SULT1C3: variants seen among roughly 807,000 people sequenced by gnomAD.
The protein encoded by SULT1C3 is sulfotransferase 1C3.
Under a neutral mutation model 28.4 loss-of-function variants are expected in SULT1C3, and 31 were observed. The observed-to-expected ratio is 1.09, with a 90% CI of 0.82 to 1.47. The LOEUF is 1.47. Ranked by LOEUF, SULT1C3 falls within the 40% of genes most tolerant of loss-of-function variation. The pLI, the probability that SULT1C3 is intolerant of heterozygous loss-of-function variation, is 0.00. For synonymous variants in SULT1C3, 106 were observed against 92.2 expected (o/e 1.15, Z -0.86); for missense variants, 307 against 272.5 (o/e 1.13, Z -0.89).
At chr2:108,253,727 T>C (rs1675792594) in intron 4 of SULT1C3, among the ~76,000 whole-genome samples, 1 of 152,012 alleles carries the variant, frequency 6.6e-6, no homozygotes, top group South Asian at 2.1e-4. Flanking sequence ...TATTGGGAGC[T>C]AGAATGGAGG....
chr2:108,252,832 A>G (rs1675765356), intron 3 of SULT1C3, among the ~76,000 whole-genome samples: 1 of 152,104 alleles, frequency 6.6e-6, no homozygotes, highest in African/African-American at 2.4e-5. Flanking sequence ...TTGTAAAATA[A>G]CAGGTGTGAT....
At chr2:108,265,089 C>A, downstream of SULT1C3, 2 of 1,487,234 alleles carry the variant, frequency 1.3e-6, no homozygotes, top group Non-Finnish European at 1.8e-6. Context: ...ATGTTTCATT[C>A]TCCATTATTT....
Position 108,260,569 on chromosome 2 carries a change from G to A in SULT1C3, c.804G>A (p.Gly268=), listed in dbSNP as rs1210246327. ...ATGAACTTCTTTGATGTCCTACAGG[G>A]ATGCCTGGAGACTGGAAGAACCACT... ...NHSISKFMRK[G]MPGDWKNHFT... The change falls in exon 8 of 8, where the codon GGG becomes GGA. Residue 268 remains glycine (G), a splice_region_variant and synonymous_variant. Transcript: ENST00000681802. 1 of 514,224 alleles carries A rather than the reference G, an allele frequency of 1.9e-6. No individual in the cohort carries two copies. Among genetic ancestry groups the A allele is most frequent in the African/African-American group, 1.9e-5 (1 of 51,904 alleles). 31.9% of individuals were successfully genotyped at this position (514,224 alleles called of 1,614,324 possible).
downstream of SULT1C3, chr2:108,265,186 C>T (rs1036917233): frequency 6.4e-7 from 1 of 1,553,844 alleles, no homozygotes; most frequent in African/African-American, 1.4e-5. Flanking sequence ...AGGGTGCATG[C>T]TTACCTCTCC....
intron 7 of SULT1C3, 62 bp from the exon 8 acceptor site, chr2:108,260,506 C>T (rs998951640): frequency 7.3e-5 from 33 of 449,778 alleles, no homozygotes; most frequent in African/African-American, 5.0e-4. Context: ...GAACCATTCA[C>T]TATAGAAAGG....
At chr2:108,250,326 T>C (rs1254502335) in intron 2 of SULT1C3, among the ~76,000 whole-genome samples, 1 of 151,954 alleles carries the variant, frequency 6.6e-6, no homozygotes, top group Non-Finnish European at 1.5e-5. Context: ...ATATTCAACA[T>C]CATTTATCAT....
At chr2:108,254,340 T>G (rs1173809614) in intron 4 of SULT1C3, among the ~76,000 whole-genome samples, 1 of 152,006 alleles carries the variant, frequency 6.6e-6, no homozygotes, top group Non-Finnish European at 1.5e-5. Context: ...TCATCTTTAC[T>G]TGCATAATTC....
intron 7 of SULT1C3, among the ~76,000 whole-genome samples, chr2:108,260,014 G>C (rs1675981592): frequency 6.6e-6 from 1 of 152,118 alleles, no homozygotes; most frequent in Admixed American, 6.6e-5. Context: ...GAAACCAGTA[G>C]AAATAAAGTA....
intron 1 of SULT1C3, among the ~76,000 whole-genome samples, chr2:108,246,841 G>A (rs146140096): frequency 5.8e-4 from 88 of 152,142 alleles, no homozygotes; most frequent in African/African-American, 2.1e-3. Context: ...TTATATTCCC[G>A]ATTAACAAGT....
chr2:108,260,402 G>A (rs1439112625), intron 7 of SULT1C3, among the ~76,000 whole-genome samples, 166 bp from the exon 8 acceptor site: 2 of 152,104 alleles, frequency 1.3e-5, no homozygotes, highest in Non-Finnish European at 2.9e-5. Flanking sequence ...AAAGCCAAGT[G>A]GAGTGGAAAT....
At chr2:108,242,119 G>A (rs1438635870) in intron 1 of SULT1C3, among the ~76,000 whole-genome samples, 1 of 152,078 alleles carries the variant, frequency 6.6e-6, no homozygotes, top group Non-Finnish European at 1.5e-5. Context: ...AGCAACCCTG[G>A]TATCTAAGTT....
At chr2:108,253,274 A>T (rs1194021912) in intron 3 of SULT1C3, 71 bp from the exon 4 acceptor site, 2 of 981,272 alleles carry the variant, frequency 2.0e-6, no homozygotes, top group Non-Finnish European at 2.9e-6. Flanking sequence ...ACAGACAAAG[A>T]TATAAATGGA....
intron 7 of SULT1C3, among the ~76,000 whole-genome samples, chr2:108,259,686 T>C (rs1675970648): frequency 6.6e-6 from 1 of 152,102 alleles, no homozygotes; most frequent in African/African-American, 2.4e-5. Flanking sequence ...CACTAGAACC[T>C]AGTATAGAGA....
downstream of SULT1C3, among the ~76,000 whole-genome samples, chr2:108,261,680 T>C (rs1031521218): frequency 9.9e-5 from 15 of 151,930 alleles, no homozygotes; most frequent in Non-Finnish European, 1.3e-4. Flanking sequence ...AGAAATAAAA[T>C]TAAAGAAGTG....
chr2:108,243,776 T>A (rs2104381732), intron 1 of SULT1C3, among the ~76,000 whole-genome samples: 1 of 152,308 alleles, frequency 6.6e-6, no homozygotes, highest in African/African-American at 2.4e-5. Context: ...AGATCAGTGC[T>A]TAAGATATTT....
intron 5 of SULT1C3, 127 bp downstream of exon 5, chr2:108,255,825 G>T (rs1179978633): frequency 8.4e-7 from 1 of 1,184,124 alleles, no homozygotes; most frequent in African/African-American, 1.6e-5. Context: ...GATGATCTGG[G>T]ACTGGAGAAG....
Position 108,248,872 on chromosome 2 carries a change from T to A in SULT1C3, c.172+1506T>A, listed in dbSNP as rs532278034. On this transcript the variant is annotated intron_variant, in intron 2 of 7. Coordinates refer to ENST00000681802, the MANE Select transcript of SULT1C3 (RefSeq NM_001320878.2). Reference sequence around the variant, plus strand: ...TGATATTAAAATAGGGAGATTATTCTGGACTATCTTGACGGACCCAGTGGA... The same window carrying A: ...TGATATTAAAATAGGGAGATTATTCAGGACTATCTTGACGGACCCAGTGGA... Among the ~76,000 whole-genome samples the A allele has an allele frequency of 1.3e-5, 2 of 152,284 alleles. 1 individual carries two copies. The highest frequency in any genetic ancestry group is 1.3e-4 in the Admixed American group (2 of 15,288).
At chr2:108,253,685 A>C (rs1408550525) in intron 4 of SULT1C3, among the ~76,000 whole-genome samples, 1 of 152,066 alleles carries the variant, frequency 6.6e-6, no homozygotes, top group Non-Finnish European at 1.5e-5. Context: ...ATTTTCCAAA[A>C]TTGAGTCTGT....
At chr2:108,253,814 A>C (rs1675795221) in intron 4 of SULT1C3, among the ~76,000 whole-genome samples, 1 of 152,058 alleles carries the variant, frequency 6.6e-6, no homozygotes, top group Non-Finnish European at 1.5e-5. Context: ...CCTCAGAAGC[A>C]GAGGTATAGA....
Sources: allele counts gnomAD v4.1 joint callset (sites outside exome capture counted in the v4.1 genomes callset), GRCh38; gene constraint gnomAD v4.1.1; transcripts MANE v1.5; gene names NCBI Gene and HGNC (gene_info 2026-07-23, HGNC 2026-07-21).